RORA: variants seen among roughly 807,000 people sequenced by gnomAD.
RORA encodes the protein RAR related orphan receptor A, also known as nuclear receptor ROR-alpha.
A neutral mutation model predicts 69.5 loss-of-function variants in RORA; 7 were observed. That is an observed-to-expected ratio of 0.10 (90% CI 0.06 to 0.19). The LOEUF (loss-of-function observed/expected upper bound fraction) is 0.19. Among genes scored for constraint, RORA ranks in the 10% least tolerant of loss-of-function variants. The pLI is 1.00. For synonymous variants in RORA, 261 were observed against 240.8 expected, an observed-to-expected ratio of 1.08 and a Z score of -0.78; for missense variants, 457 against 663.0, an observed-to-expected ratio of 0.69 and a Z score of 3.41.
At chr15:61,005,308 C>G (rs1400753640) in intron 1 of RORA, among the ~76,000 whole-genome samples, 2 of 151,992 alleles carry the variant, frequency 1.3e-5, no homozygotes, top group Non-Finnish European at 2.9e-5. Context: ...GGTGAAACAC[C>G]ACCTTTACTA....
At chr15:60,809,392 CAAAT>C (rs1476530442) in intron 1 of RORA, among the ~76,000 whole-genome samples, 1 of 152,128 alleles carries the variant, frequency 6.6e-6, no homozygotes, top group Admixed American at 6.6e-5. Context: ...GTTAAAGAGA[CAAAT>C]AATTCTACAA....
intron 2 of RORA, among the ~76,000 whole-genome samples, chr15:60,606,896 C>T (rs2140569128): frequency 6.6e-6 from 1 of 152,270 alleles, no homozygotes; most frequent in South Asian, 2.1e-4. Context: ...AAACAAAGAT[C>T]AGCAGAGATA....
intron 1 of RORA, among the ~76,000 whole-genome samples, chr15:60,715,888 T>C (rs1567166831): frequency 1.3e-5 from 2 of 152,186 alleles, no homozygotes; most frequent in Non-Finnish European, 2.9e-5. Flanking sequence ...GAAATTCTGC[T>C]ACAATGAATT....
intron 1 of RORA, among the ~76,000 whole-genome samples, chr15:60,871,259 A>G (rs2073552082): frequency 6.6e-6 from 1 of 152,196 alleles, no homozygotes; most frequent in Non-Finnish European, 1.5e-5. Context: ...AACCACACCA[A>G]AGCACACATT....
chr15:60,592,348 CGCCA>C (rs1193204341), intron 2 of RORA: 34 of 1,374,150 alleles, frequency 2.5e-5, no homozygotes, highest in Non-Finnish European at 2.9e-5. Context: ...CCCCCGGAGC[CGCCA>C]GCCCACCCGG....
chr15:60,600,435 T>C (rs1403893849), intron 2 of RORA, among the ~76,000 whole-genome samples: 1 of 152,206 alleles, frequency 6.6e-6, no homozygotes. Flanking sequence ...GTTTTGATGC[T>C]CACATTTAAG....
Position 60,798,436 on chromosome 15 carries a change from T to G in RORA, c.167-119750A>C, listed in dbSNP as rs74017343. ...CTTGGAGAAACCTTAGGACTCTACT[T>G]AGAATCCATGGACTCTTATTTTAGA... On this transcript the variant is annotated intron_variant, in intron 1 of 10. Coordinates refer to ENST00000335670, the MANE Select transcript of RORA (RefSeq NM_134261.3). Among the ~76,000 whole-genome samples, 953 of 152,226 alleles carry G rather than the reference T, an allele frequency of 6.3e-3. 10 individuals carry two copies. Among genetic ancestry groups the G allele is most frequent in the African/African-American group, 0.022 (914 of 41,530 alleles).
chr15:60,740,871 G>T (rs1034525824), intron 1 of RORA, among the ~76,000 whole-genome samples: 2 of 152,190 alleles, frequency 1.3e-5, no homozygotes, highest in African/African-American at 2.4e-5. Context: ...TACCAATAGA[G>T]GGTGGGTTGG....
intron 1 of RORA, among the ~76,000 whole-genome samples, chr15:60,758,000 G>A (rs2071827115): frequency 6.6e-6 from 1 of 152,206 alleles, no homozygotes; most frequent in Admixed American, 6.5e-5. Context: ...ATAGTCTAGT[G>A]TGCATGGTGA....
chr15:61,075,477 C>G (rs910935882), intron 1 of RORA, among the ~76,000 whole-genome samples: 3 of 152,162 alleles, frequency 2.0e-5, no homozygotes, highest in Non-Finnish European at 4.4e-5. Flanking sequence ...TTTGCTCCCC[C>G]CATTAGTCTG....
intron 1 of RORA, among the ~76,000 whole-genome samples, chr15:60,883,883 G>T (rs550661937): frequency 2.2e-4 from 33 of 152,212 alleles, no homozygotes; most frequent in Non-Finnish European, 4.4e-4. Context: ...TGGCTACCAT[G>T]GATTCCAAGT....
In RORA at chr15:60,505,622, A is replaced by G. The variant is rs1261554515; in HGVS notation, c.828T>C (p.Leu276=). The change falls in exon 6 of 11, where the codon CTT becomes CTC. Residue 276 remains leucine (L), a synonymous_variant. Coordinates refer to ENST00000335670, the MANE Select transcript of RORA (RefSeq NM_134261.3). ...PTVSMAELEH[L]AQNISKSHLE... is the part of the protein sequence containing the mutation. ...GATGCGATTTAGATATATTCTGTGC[A>G]AGGTGTTCTAAGGAGAAAACGGGAG... The G allele has an allele frequency of 1.9e-5, 31 of 1,613,532 alleles. No individual in the cohort carries two copies. The highest frequency in any genetic ancestry group is 2.6e-5 in the Non-Finnish European group (31 of 1,179,754).
rs11451387 is a variant in RORA, at chr15:60,985,582, C to CTTTTT, written c.166+243466_166+243470dup. ...TTGTGCTAGGTAAGAAACTCATCCT[C>CTTTTT]TTTTTTTTTTTTTTTTTTTTTGAGA... On this transcript the variant is annotated intron_variant, in intron 1 of 10. Transcript: ENST00000335670. Among the ~76,000 whole-genome samples, 848 of 100,724 alleles carry CTTTTT rather than the reference C, an allele frequency of 8.4e-3. 55 individuals are homozygous for CTTTTT. The highest frequency in any genetic ancestry group is 0.014 in the African/African-American group (330 of 24,352). 66.1% of individuals were successfully genotyped at this position (100,724 alleles called of 152,430 possible).
At chr15:61,076,790 C>T (rs2078456215) in intron 1 of RORA, among the ~76,000 whole-genome samples, 1 of 152,190 alleles carries the variant, frequency 6.6e-6, no homozygotes, top group African/African-American at 2.4e-5. Context: ...TGACAGCAGG[C>T]ATGGCTGCAG....
intron 1 of RORA, among the ~76,000 whole-genome samples, chr15:61,135,564 T>C (rs2079229930): frequency 2.2e-5 from 3 of 138,912 alleles, no homozygotes; most frequent in African/African-American, 8.2e-5. Flanking sequence ...TGTTAGAAAC[T>C]TGTATTTCCA....
rs570551571 is a variant in RORA, at chr15:61,135,562, A to G, written c.166+93491T>C. Among the ~76,000 whole-genome samples the G allele has an allele frequency of 1.1e-3, 144 of 130,886 alleles. 1 individual carries two copies. Among genetic ancestry groups the G allele is most frequent in the African/African-American group, 4.1e-3 (141 of 34,144 alleles). 85.9% of individuals were successfully genotyped at this position (130,886 alleles called of 152,430 possible). On this transcript the variant is annotated intron_variant, in intron 1 of 10. Transcript: ENST00000335670. The stretch of plus-strand genomic sequence containing the variant: ...TATTCTCACATTTGTAATGTTAGAA[A>G]CTTGTATTTCCACATCAAAAAAAAA...
intron 1 of RORA, among the ~76,000 whole-genome samples, chr15:61,027,760 A>T (rs1435105205): frequency 6.6e-6 from 1 of 152,226 alleles, no homozygotes; most frequent in Non-Finnish European, 1.5e-5. Context: ...GGTGGTTAAC[A>T]TGTGATTTGA....
intron 1 of RORA, among the ~76,000 whole-genome samples, chr15:61,154,559 C>T (rs1225975086): frequency 6.6e-6 from 1 of 152,146 alleles, no homozygotes; most frequent in East Asian, 1.9e-4. Flanking sequence ...GACCTGTCAT[C>T]CAGATGGGTC....
chr15:60,555,761 T>C (rs1237118349), intron 2 of RORA, among the ~76,000 whole-genome samples: 2 of 152,124 alleles, frequency 1.3e-5, no homozygotes, highest in Non-Finnish European at 2.9e-5. Flanking sequence ...TTTTCCTTTT[T>C]TCTTACTACT....
Sources: gnomAD v4.1 joint callset for allele counts (sites outside exome capture counted in the v4.1 genomes callset) on GRCh38, gnomAD v4.1.1 for gene constraint, MANE v1.5 for transcripts, NCBI Gene and HGNC (gene_info 2026-07-23, HGNC 2026-07-21) for gene names.